The following CTBP2 variants were observed in gnomAD, a reference collection of about 807,000 sequenced individuals.
CTBP2 encodes the protein C-terminal-binding protein 2.
A neutral mutation model predicts 80.3 loss-of-function variants in CTBP2; 30 were observed. The observed-to-expected ratio is 0.37, with a 90% confidence interval of 0.28 to 0.51. The LOEUF is 0.51. Ranked by LOEUF, CTBP2 falls within the 20% of genes least tolerant of loss-of-function variation. The pLI is 0.93. For synonymous variants in CTBP2, 594 were observed against 587.4 expected (o/e 1.01, Z -0.16); for missense variants, 1,212 against 1,375.3 (o/e 0.88, Z 1.88).
Position 124,993,870 on chromosome 10 carries a change from T to G in CTBP2, c.2516A>C (p.Glu839Ala), listed in dbSNP as rs1444545747. The stretch of plus-strand genomic sequence containing the variant: ...CAACACGCACCTGAAGGGCTCTGAC[T>G]CATGCACGTCGAGGGCTGCCCCTCG... The change falls in exon 6 of 9, where the codon GAG (glutamate) becomes GCG (alanine). Residue 839 changes from glutamate to alanine, a missense_variant. Glu to Ala is a moderately radical substitution (Grantham distance 107). This residue lies in a region of CTBP2 where 335 missense variants were observed against 504.7 expected (regional missense o/e 0.66). Coordinates refer to ENST00000309035, the MANE Select transcript of CTBP2 (RefSeq NM_022802.3). The G allele has an allele frequency of 6.2e-7, 1 of 1,613,426 alleles. No individual in the cohort carries two copies.
At chr10:125,033,551 C>T (rs890531700) in intron 3 of CTBP2, among the ~76,000 whole-genome samples, 20 of 152,152 alleles carry the variant, frequency 1.3e-4, no homozygotes, top group African/African-American at 4.6e-4. Flanking sequence ...CCCCAAATAC[C>T]TGTCAATTAG....
At chr10:125,067,131 C>CA (rs918323071) in intron 2 of CTBP2, among the ~76,000 whole-genome samples, 1 of 152,022 alleles carries the variant, frequency 6.6e-6, no homozygotes, top group African/African-American at 2.4e-5. Flanking sequence ...AGAGATTACA[C>CA]AAAAAAAGTC....
upstream of CTBP2, chr10:125,160,790 G>A (rs1012775587): frequency 7.2e-6 from 1 of 139,062 alleles, no homozygotes; most frequent in African/African-American, 2.7e-5. Context: ...GCTGCGCTGG[G>A]GGTCCCCGGC....
chr10:125,160,076 T>TGGCGGGGGCG (rs1861681172), intron 1 of CTBP2: 1 of 147,648 alleles, frequency 6.8e-6, no homozygotes, highest in African/African-American at 2.5e-5. Flanking sequence ...GCGCAATCGG[T>TGGCGGGGGCG]GGCGGGGGCG....
At chr10:125,032,566 T>A (rs1157864986), upstream of CTBP2, among the ~76,000 whole-genome samples, 1 of 152,128 alleles carries the variant, frequency 6.6e-6, no homozygotes, top group South Asian at 2.1e-4. Flanking sequence ...CCAAAAATAG[T>A]CCAGGGCATG....
intron 1 of CTBP2, among the ~76,000 whole-genome samples, chr10:125,023,766 G>C (rs1957280481): frequency 1.3e-5 from 2 of 152,006 alleles, no homozygotes; most frequent in African/African-American, 4.8e-5. Context: ...CGTGGACTGA[G>C]AAAAAGCAAA....
intron 1 of CTBP2, among the ~76,000 whole-genome samples, chr10:125,135,647 G>A (rs1411976202): frequency 6.6e-6 from 1 of 152,188 alleles, no homozygotes; most frequent in African/African-American, 2.4e-5. Flanking sequence ...CACGCACACA[G>A]GCACCTCACC....
chr10:124,998,063 G>A lies in CTBP2; in HGVS notation c.2086C>T (p.Leu696=), dbSNP rs1953888464. The A allele has an allele frequency of 1.2e-6, 2 of 1,613,266 alleles. No homozygotes were observed. The highest frequency in any genetic ancestry group is 1.7e-5 in the Admixed American group (1 of 59,968). The change falls in exon 4 of 9, where the codon CTG becomes TTG. Residue 696 remains leucine, a synonymous_variant. Transcript: ENST00000309035. ...CTCTGAACCCGCGTGCCTTCCCGCAGTGCCTGGTACAGCCACGTGTTCCTC... is the reference window on the plus strand; with the variant it reads ...CTCTGAACCCGCGTGCCTTCCCGCAATGCCTGGTACAGCCACGTGTTCCTC...
In CTBP2 at chr10:124,996,252, T is replaced by G. The variant is rs568852323; in HGVS notation, c.2186-1569A>C. Reference sequence around the variant, plus strand: ...GCAGCTCCCACAGGCTGCCTTTCCTTCAGTTTCTGTCCATGCCCCCAGCCC... The same window carrying G: ...GCAGCTCCCACAGGCTGCCTTTCCTGCAGTTTCTGTCCATGCCCCCAGCCC... On this transcript the variant is annotated intron_variant, in intron 4 of 8. Transcript: ENST00000309035. 9 of 151,692 alleles carry G rather than the reference T, an allele frequency of 5.9e-5. No homozygotes were observed. In the East Asian group the frequency reaches 1.8e-3, roughly 30 times the overall value. 9.4% of individuals were successfully genotyped at this position (151,692 alleles called of 1,614,324 possible).
At chr10:125,049,075 ACACACACACACACACACG>A (rs1962042499) in intron 2 of CTBP2, among the ~76,000 whole-genome samples, 1 of 125,616 alleles carries the variant, frequency 8.0e-6, no homozygotes, top group African/African-American at 3.0e-5. Flanking sequence ...ACACACACAC[ACACACACACACACACACG>A]TCCACCTGAC....
At position 124,988,606 on chromosome 10, in the gene CTBP2, A is replaced by G. The variant is rs1952171727; in HGVS notation, c.*912T>C. 1 of 152,676 alleles carries G rather than the reference A, an allele frequency of 6.5e-6. No individual in the cohort carries two copies. The highest frequency in any genetic ancestry group is 2.1e-4 in the South Asian group (1 of 4,836). 9.5% of individuals were successfully genotyped at this position (152,676 alleles called of 1,614,324 possible). On this transcript the variant is annotated 3_prime_UTR_variant, in exon 9 of 9. Transcript: ENST00000309035. ...CATGTAACTAGTTGATACAAATCTA[A>G]TAGGATTTGTTAAAATCAGTCACAT...
Position 124,994,462 on chromosome 10 carries a change from A to T in CTBP2, c.2400+7T>A. On this transcript the variant is annotated splice_region_variant and intron_variant, in intron 5 of 8. Coordinates refer to ENST00000309035, the MANE Select transcript of CTBP2 (RefSeq NM_022802.3). Reference sequence around the variant, plus strand: ...AGAAGCTTCCATGGCATCTATTTTCAAATTACCTGCTTTATGGTAAAGTCA... The same window carrying T: ...AGAAGCTTCCATGGCATCTATTTTCTAATTACCTGCTTTATGGTAAAGTCA... 1 of 1,613,546 alleles carries T rather than the reference A, an allele frequency of 6.2e-7. No homozygotes were observed. Among genetic ancestry groups the T allele is most frequent in the South Asian group, 1.1e-5 (1 of 91,072 alleles).
chr10:125,054,694 T>C (rs1364665942), intron 2 of CTBP2, among the ~76,000 whole-genome samples: 1 of 152,218 alleles, frequency 6.6e-6, no homozygotes, highest in Non-Finnish European at 1.5e-5. Flanking sequence ...CTATGGTCAC[T>C]GACACAGTAC....
intron 1 of CTBP2, among the ~76,000 whole-genome samples, chr10:125,011,918 G>A (rs1407938229): frequency 2.0e-5 from 3 of 152,330 alleles, no homozygotes; most frequent in East Asian, 1.9e-4. Context: ...TTCAGGCTCC[G>A]TCACCTTCAC....
At chr10:125,150,572 G>A (rs1480817249) in intron 1 of CTBP2, among the ~76,000 whole-genome samples, 1 of 152,046 alleles carries the variant, frequency 6.6e-6, no homozygotes, top group Non-Finnish European at 1.5e-5. Context: ...GAAGTTGGTA[G>A]TAACTAGCCA....
intron 1 of CTBP2, among the ~76,000 whole-genome samples, chr10:125,134,983 G>C (rs1313360300): frequency 2.0e-5 from 3 of 151,784 alleles, no homozygotes; most frequent in Admixed American, 2.0e-4. Context: ...AACCCCCGGG[G>C]ACCTTAGCCG....
At chr10:125,134,857 C>T (rs906182402) in intron 1 of CTBP2, among the ~76,000 whole-genome samples, 5 of 151,756 alleles carry the variant, frequency 3.3e-5, no homozygotes, top group Non-Finnish European at 5.9e-5. Context: ...ACTCCACCTA[C>T]CCTGCTGCTT....
At chr10:125,023,199 C>G (rs1391859968) in intron 1 of CTBP2, among the ~76,000 whole-genome samples, 2 of 152,190 alleles carry the variant, frequency 1.3e-5, no homozygotes, top group African/African-American at 2.4e-5. Context: ...CCCCATTAAT[C>G]CAGTTGCATC....
At chr10:125,038,383 G>A (rs943390723) in intron 3 of CTBP2, among the ~76,000 whole-genome samples, 1 of 152,074 alleles carries the variant, frequency 6.6e-6, no homozygotes, top group Non-Finnish European at 1.5e-5. Context: ...TCTGGCAGGT[G>A]CACTCACCCC....
Sources: gnomAD v4.1 joint callset for allele counts (sites outside exome capture counted in the v4.1 genomes callset) on GRCh38, gnomAD v4.1.1 for gene constraint, gnomAD v4.1.1 regional missense constraint, MANE v1.5 for transcripts, NCBI Gene and HGNC (gene_info 2026-07-23, HGNC 2026-07-21) for gene names.